MDGA2: variants seen among roughly 807,000 people sequenced by gnomAD.
MDGA2 encodes MAM domain-containing glycosylphosphatidylinositol anchor protein 2.
MDGA2 carries 40 observed loss-of-function variants against 117.8 expected under a neutral mutation model. The observed-to-expected ratio is 0.34, with a 90% confidence interval of 0.26 to 0.44. The LOEUF is 0.44. Among genes scored for constraint, MDGA2 ranks in the 20% least tolerant of loss-of-function variants. MDGA2 has a pLI of 1.00. For synonymous variants in MDGA2, 452 were observed against 439.0 expected, an observed-to-expected ratio of 1.03 and a Z score of -0.37; for missense variants, 1,123 against 1,250.6, an observed-to-expected ratio of 0.90 and a Z score of 1.54.
chr14:47,534,644 C>A (rs190296873), intron 1 of MDGA2, among the ~76,000 whole-genome samples: 2 of 152,170 alleles, frequency 1.3e-5, no homozygotes, highest in African/African-American at 2.4e-5. Flanking sequence ...CAAGTCCCCC[C>A]CTCCACATGT....
At chr14:47,609,454 T>TAG (rs1455348201) in intron 1 of MDGA2, among the ~76,000 whole-genome samples, 1 of 110,758 alleles carries the variant, frequency 9.0e-6, no homozygotes, top group Admixed American at 8.9e-5. Flanking sequence ...TATATATATA[T>TAG]ATATATATAT....
At chr14:47,079,659 G>T (rs962624584) in intron 6 of MDGA2, among the ~76,000 whole-genome samples, 11 of 149,704 alleles carry the variant, frequency 7.3e-5, no homozygotes, top group African/African-American at 2.7e-4. Flanking sequence ...AGTAGTTTTA[G>T]GCTGTGTTGA....
intron 1 of MDGA2, among the ~76,000 whole-genome samples, chr14:47,625,379 T>C (rs1897122920): frequency 6.6e-6 from 1 of 152,202 alleles, no homozygotes. Context: ...ATAACAATGT[T>C]TTACTTAGTC....
intron 8 of MDGA2, among the ~76,000 whole-genome samples, chr14:47,001,253 T>TA (rs574476921): frequency 5.0e-4 from 75 of 151,006 alleles, no homozygotes; most frequent in African/African-American, 8.0e-4. Context: ...TCCAGCTGAA[T>TA]AAAAAAAAAT....
rs188226137 is a variant in MDGA2, at chr14:47,674,039, G to C, written c.280+478C>G. 1.0e-3 allele frequency among the ~76,000 whole-genome samples: 154 copies of C among 151,030 alleles called. 1 individual carries two copies. The East Asian group carries it at 0.025, about 25-fold the overall frequency. ...CAACTGTCACCCCACTTCCTGAGCCGGAAAATCAAGGCATGTAGGCATTCA... is the reference window on the plus strand; with the variant it reads ...CAACTGTCACCCCACTTCCTGAGCCCGAAAATCAAGGCATGTAGGCATTCA... On this transcript the variant is annotated intron_variant, in intron 1 of 16. Coordinates refer to ENST00000399232, the MANE Select transcript of MDGA2 (RefSeq NM_001113498.3).
chr14:47,300,282 A>G (rs1889231578), intron 2 of MDGA2, among the ~76,000 whole-genome samples: 2 of 152,064 alleles, frequency 1.3e-5, no homozygotes, highest in Non-Finnish European at 2.9e-5. Flanking sequence ...GAGTGAAACT[A>G]TTTTTCCTAC....
intron 1 of MDGA2, among the ~76,000 whole-genome samples, chr14:47,431,406 T>C (rs1288586371): frequency 6.6e-6 from 1 of 152,022 alleles, no homozygotes; most frequent in Non-Finnish European, 1.5e-5. Context: ...AAAATAAAAT[T>C]ATGATATTCA....
intron 1 of MDGA2, among the ~76,000 whole-genome samples, chr14:47,312,693 G>GTTTTTTTTTTTTTTTTTTTTTTTTT (rs375332903): frequency 5.7e-5 from 6 of 104,362 alleles, no homozygotes; most frequent in Admixed American, 1.1e-4. Context: ...TTTTTGTTTT[G>GTTTTTTTTTTTTTTTTTTTTTTTTT]TTTTGTTTTT....
At chr14:47,290,149 G>A (rs961362400) in intron 2 of MDGA2, among the ~76,000 whole-genome samples, 16 of 152,002 alleles carry the variant, frequency 1.1e-4, no homozygotes, top group African/African-American at 3.9e-4. Context: ...CTGAATATGT[G>A]TCCCTCCCCA....
chr14:46,895,763 C>G (rs886110993), intron 10 of MDGA2, among the ~76,000 whole-genome samples: 3 of 151,810 alleles, frequency 2.0e-5, no homozygotes, highest in Non-Finnish European at 4.4e-5. Flanking sequence ...AGGTATATTT[C>G]TATAAACCTA....
At chr14:47,202,775 C>T (rs551490070) in intron 3 of MDGA2, among the ~76,000 whole-genome samples, 2 of 152,176 alleles carry the variant, frequency 1.3e-5, no homozygotes, top group South Asian at 4.2e-4. Flanking sequence ...GATGAGAAGC[C>T]AGCAGCTTGG....
chr14:47,426,551 A>G (rs184654070), intron 1 of MDGA2, among the ~76,000 whole-genome samples: 1 of 151,916 alleles, frequency 6.6e-6, no homozygotes, highest in East Asian at 1.9e-4. Context: ...TACTAGTTAG[A>G]TAATATAATT....
intron 1 of MDGA2, among the ~76,000 whole-genome samples, chr14:47,628,861 C>G (rs986519189): frequency 1.3e-5 from 2 of 152,210 alleles, no homozygotes; most frequent in Admixed American, 6.5e-5. Context: ...GAGGACTTTC[C>G]TCCTTGCAGG....
chr14:47,185,548 TA>T lies in MDGA2; in HGVS notation c.595+32472del, dbSNP rs558831603. ...CTCGAGAGGGAACAGAAGACATGAA[TA>T]GAATTATAACTCAATAAAATTAAAT... On this transcript the variant is annotated intron_variant, in intron 3 of 16. Coordinates refer to ENST00000399232, the MANE Select transcript of MDGA2 (RefSeq NM_001113498.3). Among the ~76,000 whole-genome samples the T allele has an allele frequency of 9.6e-4, 145 of 151,590 alleles. 3 individuals are homozygous for T. The highest frequency in any genetic ancestry group is 3.2e-3 in the African/African-American group (134 of 41,514).
At chr14:47,171,641 T>C (rs1009535521) in intron 3 of MDGA2, among the ~76,000 whole-genome samples, 3 of 152,182 alleles carry the variant, frequency 2.0e-5, no homozygotes, top group African/African-American at 7.2e-5. Context: ...ACTTTAGAAA[T>C]TTTATGTCAA....
At chr14:47,196,954 A>G (rs1885308744) in intron 3 of MDGA2, among the ~76,000 whole-genome samples, 1 of 152,168 alleles carries the variant, frequency 6.6e-6, no homozygotes, top group Non-Finnish European at 1.5e-5. Context: ...CACTTCAGAT[A>G]ATGGCCTCCA....
intron 1 of MDGA2, among the ~76,000 whole-genome samples, chr14:47,596,482 T>C (rs1242778350): frequency 6.6e-6 from 1 of 152,174 alleles, no homozygotes; most frequent in Non-Finnish European, 1.5e-5. Context: ...ACAGTAAAAG[T>C]ATCATGCACG....
In MDGA2 at chr14:46,924,322, A is replaced by C. The variant is rs184767916; in HGVS notation, c.2090-4162T>G. ...TTTTATGCATAAAGTTCAAACATAAATTAAAAACAATTATTATTCCCACTA... is the reference window on the plus strand; with the variant it reads ...TTTTATGCATAAAGTTCAAACATAACTTAAAAACAATTATTATTCCCACTA... On this transcript the variant is annotated intron_variant, in intron 9 of 16. Transcript: ENST00000399232. Among the ~76,000 whole-genome samples, 72 of 152,202 alleles carry C rather than the reference A, an allele frequency of 4.7e-4. 2 individuals are homozygous for C. In the South Asian group the frequency reaches 8.7e-3, roughly 18 times the overall value.
chr14:47,056,818 A>G (rs1889691752), intron 7 of MDGA2, among the ~76,000 whole-genome samples: 1 of 152,162 alleles, frequency 6.6e-6, no homozygotes, highest in Non-Finnish European at 1.5e-5. Flanking sequence ...TCAAGTGACA[A>G]TAATTAAGAA....
Sources: allele counts gnomAD v4.1 joint callset (sites outside exome capture counted in the v4.1 genomes callset), GRCh38; gene constraint gnomAD v4.1.1; transcripts MANE v1.5; gene names NCBI Gene and HGNC (gene_info 2026-07-23, HGNC 2026-07-21).